The following AGAP1 variants were observed in gnomAD, a reference collection of about 807,000 sequenced individuals.
AGAP1 encodes the protein arf-GAP with GTPase, ANK repeat and PH domain-containing protein 1.
In AGAP1, 29 loss-of-function variants were observed where a neutral mutation model predicts 105.3. That is an observed-to-expected ratio of 0.28 (90% CI 0.21 to 0.38). The LOEUF is 0.38. AGAP1 is among the 10% of genes least tolerant of loss of function. The pLI is 1.00. For missense variants in AGAP1, 998 were observed against 1,165.1 expected (o/e 0.86, Z 2.09); for synonymous variants, 509 against 485.9 (o/e 1.05, Z -0.63).
At chr2:235,500,646 G>A (rs752586608) in intron 1 of AGAP1, among the ~76,000 whole-genome samples, 9 of 152,208 alleles carry the variant, frequency 5.9e-5, no homozygotes, top group Non-Finnish European at 8.8e-5. Flanking sequence ...GCTAAGTGTG[G>A]TGGACGAGGG....
Position 236,019,932 on chromosome 2 carries a change from C to T in AGAP1, c.1646-16629C>T, listed in dbSNP as rs373371082. 1.6e-4 allele frequency among the ~76,000 whole-genome samples: 25 copies of T among 152,324 alleles called. 1 individual carries two copies. In the South Asian group the frequency reaches 3.9e-3, roughly 24 times the overall value. ...GTCCCCACTGTGAGAGGCTGCCTTC[C>T]AGAACCTGCTCTCTGCAGTGAGCAT... On this transcript the variant is annotated intron_variant, in intron 13 of 17. Transcript: ENST00000304032.
rs2059578257 is a variant in AGAP1 at position 236,109,012 on chromosome 2, A to G, written c.2115-11180A>G. Among the ~76,000 whole-genome samples, 1 of 152,182 alleles carries G rather than the reference A, an allele frequency of 6.6e-6. No homozygotes were observed. Among genetic ancestry groups the G allele is most frequent in the Non-Finnish European group, 1.5e-5 (1 of 68,024 alleles). On this transcript the variant is annotated intron_variant, in intron 16 of 17. Transcript: ENST00000304032. The surrounding 1 kb of genome is among the most constrained non-coding windows in gnomAD (Gnocchi z 5.4). ...CTGACCCTTCCCTGCCAGGACCAAA[A>G]CACAGCTGATGGTGGCTGTGTGAGA... is the stretch of plus-strand genomic sequence containing the variant.
At chr2:235,512,031 A>ATGTG (rs71064849) in intron 1 of AGAP1, among the ~76,000 whole-genome samples, 1 of 149,400 alleles carries the variant, frequency 6.7e-6, no homozygotes, top group Non-Finnish European at 1.5e-5. Context: ...TGAGGTGTGA[A>ATGTG]TGTGTGTGAA....
chr2:235,843,401 C>T lies in AGAP1; in HGVS notation c.1050+36070C>T, dbSNP rs115927674. ...TTTCAGAATTCCTCCTCGGTGTCTG[C>T]TTATTGCATGGCACGGTCTGGTTGG... is the stretch of plus-strand genomic sequence containing the variant. On this transcript the variant is annotated intron_variant, in intron 9 of 17. Transcript: ENST00000304032. The surrounding 1 kb of genome is among the most constrained non-coding windows in gnomAD (Gnocchi z 5.9). Among the ~76,000 whole-genome samples the T allele has an allele frequency of 6.6e-6, 1 of 152,100 alleles. No homozygotes were observed. The highest frequency in any genetic ancestry group is 2.4e-5 in the African/African-American group (1 of 41,412).
At chr2:235,636,893 C>G (rs1051560493) in intron 1 of AGAP1, among the ~76,000 whole-genome samples, 2 of 152,158 alleles carry the variant, frequency 1.3e-5, no homozygotes, top group African/African-American at 4.8e-5. Context: ...AACATCATGT[C>G]AAGGCTGCGG....
rs536554740 is a variant in AGAP1 at position 235,820,114 on chromosome 2, G to T, written c.1050+12783G>T. Among the ~76,000 whole-genome samples the T allele has an allele frequency of 3.9e-5, 6 of 152,028 alleles. No homozygotes were observed. The East Asian group carries it at 1.2e-3, about 29-fold the overall frequency. The stretch of plus-strand genomic sequence containing the variant: ...GATGGGGTTTCTCCATGTTCAGGCC[G>T]GTCTTCAAGTCCCAACCTCAGGTGA... On this transcript the variant is annotated intron_variant, in intron 9 of 17. Coordinates refer to ENST00000304032, the MANE Select transcript of AGAP1 (RefSeq NM_001037131.3).
At chr2:235,713,336 G>A (rs1029416901) in intron 2 of AGAP1, among the ~76,000 whole-genome samples, 4 of 152,192 alleles carry the variant, frequency 2.6e-5, no homozygotes, top group African/African-American at 7.2e-5. Flanking sequence ...AAAGATGTAC[G>A]TCGGATTAGG....
chr2:235,498,634 CTT>C, intron 1 of AGAP1, among the ~76,000 whole-genome samples: 1 of 152,360 alleles, frequency 6.6e-6, no homozygotes, highest in Non-Finnish European at 1.5e-5. Context: ...TAAAGCCTCT[CTT>C]AGCAGTCACA....
At chr2:235,515,914 G>C (rs1037444627) in intron 1 of AGAP1, among the ~76,000 whole-genome samples, 2 of 152,186 alleles carry the variant, frequency 1.3e-5, no homozygotes, top group Non-Finnish European at 2.9e-5. Context: ...CAGCAACAGC[G>C]ACTTAAGGGC....
chr2:235,669,061 C>T (rs867386040), intron 1 of AGAP1, among the ~76,000 whole-genome samples: 38 of 152,200 alleles, frequency 2.5e-4, no homozygotes, highest in African/African-American at 7.5e-4. Context: ...GAGGCAGTAT[C>T]GTAGCCATGG....
rs1042279624 is a variant in AGAP1, at chr2:235,633,873, CAG to C, written c.164-75305_164-75304del. On this transcript the variant is annotated intron_variant, in intron 1 of 17. Coordinates refer to ENST00000304032, the MANE Select transcript of AGAP1 (RefSeq NM_001037131.3). The surrounding 1 kb of genome is among the most constrained non-coding windows in gnomAD (Gnocchi z 4.8). ...ATGAAGAATTCTAGTTCCTGTGGCT[CAG>C]GGGAGAATGAGGGGCAAGAGATCAG... Among the ~76,000 whole-genome samples the C allele has an allele frequency of 6.6e-6, 1 of 152,112 alleles. No individual in the cohort carries two copies. The highest frequency in any genetic ancestry group is 2.4e-5 in the African/African-American group (1 of 41,414).
intron 10 of AGAP1, among the ~76,000 whole-genome samples, chr2:235,902,703 C>CATTT (rs2051125253): frequency 6.6e-6 from 1 of 152,174 alleles, no homozygotes; most frequent in Non-Finnish European, 1.5e-5. Flanking sequence ...AGGTAAAAAT[C>CATTT]TTGTCCCACC....
rs776033700 is a variant in AGAP1 at position 235,793,892 on chromosome 2, T to C, written c.674-3867T>C. On this transcript the variant is annotated intron_variant, in intron 6 of 17. Coordinates refer to ENST00000304032, the MANE Select transcript of AGAP1 (RefSeq NM_001037131.3). The surrounding 1 kb of genome is among the most constrained non-coding windows in gnomAD (Gnocchi z 5.3). The stretch of plus-strand genomic sequence containing the variant: ...TATTTCCCTCTATAGAATAGAACAT[T>C]TACAGTTTGTGGATAAAGTAAATGT... Among the ~76,000 whole-genome samples the C allele has an allele frequency of 2.6e-5, 4 of 152,220 alleles. No homozygotes were observed. The highest frequency in any genetic ancestry group is 4.4e-5 in the Non-Finnish European group (3 of 68,034).
rs1575948400 is a variant in AGAP1, at chr2:235,977,222, G to A, written c.1645+8599G>A. On this transcript the variant is annotated intron_variant, in intron 13 of 17. Coordinates refer to ENST00000304032, the MANE Select transcript of AGAP1 (RefSeq NM_001037131.3). The surrounding 1 kb of genome is among the most constrained non-coding windows in gnomAD (Gnocchi z 5.2). ...TAGCTTGGGAGACCCTGCATTGGTC[G>A]ACTTTCATTAGAATCTAGGATCTGT... Among the ~76,000 whole-genome samples, 1 of 152,002 alleles carries A rather than the reference G, an allele frequency of 6.6e-6. No individual in the cohort carries two copies. Among genetic ancestry groups the A allele is most frequent in the African/African-American group, 2.4e-5 (1 of 41,384 alleles).
In AGAP1 at chr2:235,822,391, C is replaced by T. The variant is rs370138591; in HGVS notation, c.1050+15060C>T. Among the ~76,000 whole-genome samples the T allele has an allele frequency of 3.4e-4, 51 of 151,480 alleles. 1 individual carries two copies. In the South Asian group the frequency reaches 9.6e-3, roughly 29 times the overall value. On this transcript the variant is annotated intron_variant, in intron 9 of 17. Transcript: ENST00000304032. ...AGGAGGAACTGGAGAAGCCCAGGAG[C>T]GAGGAGGAGCTGGAGAAGCCCAGGG...
rs972095264 is a variant in AGAP1 at position 235,936,289 on chromosome 2, G to A, written c.1483+5366G>A. Among the ~76,000 whole-genome samples, 1 of 152,182 alleles carries A rather than the reference G, an allele frequency of 6.6e-6. No homozygotes were observed. The highest frequency in any genetic ancestry group is 1.5e-5 in the Non-Finnish European group (1 of 68,042). ...CATGTCCATCTTCCACATGGAAGGA[G>A]TGTATCACATGTGTGTGTGTACGGG... is the stretch of plus-strand genomic sequence containing the variant. On this transcript the variant is annotated intron_variant, in intron 12 of 17. Transcript: ENST00000304032. The surrounding 1 kb of genome is among the most constrained non-coding windows in gnomAD (Gnocchi z 4.7).
intron 9 of AGAP1, among the ~76,000 whole-genome samples, chr2:235,868,918 T>C (rs1452400156): frequency 2.0e-5 from 3 of 152,200 alleles, no homozygotes; most frequent in Non-Finnish European, 4.4e-5. Context: ...TTTGCTCCAC[T>C]GTAGAAAAGG....
At chr2:235,935,096 A>G (rs550953545) in intron 12 of AGAP1, among the ~76,000 whole-genome samples, 30 of 152,212 alleles carry the variant, frequency 2.0e-4, no homozygotes, top group Non-Finnish European at 3.7e-4. Context: ...ATTTCGTGAA[A>G]TGGAATGCCC....
chr2:235,792,579 G>A lies in AGAP1; in HGVS notation c.674-5180G>A, dbSNP rs942391690. ...GAAGTTGCTTTGGTCACCAGCTGTG[G>A]AAGGATAAGTCTTAGACCAAGGCAG... On this transcript the variant is annotated intron_variant, in intron 6 of 17. Transcript: ENST00000304032. The surrounding 1 kb of genome is among the most constrained non-coding windows in gnomAD (Gnocchi z 5.3). Among the ~76,000 whole-genome samples, 3 of 152,218 alleles carry A rather than the reference G, an allele frequency of 2.0e-5. No homozygotes were observed. Among genetic ancestry groups the A allele is most frequent in the East Asian group, 1.9e-4 (1 of 5,192 alleles).
Sources: allele counts gnomAD v4.1 joint callset (sites outside exome capture counted in the v4.1 genomes callset), GRCh38; gene constraint gnomAD v4.1.1; non-coding constraint Gnocchi (gnomAD v3.1); transcripts MANE v1.5; gene names NCBI Gene and HGNC (gene_info 2026-07-23, HGNC 2026-07-21).